Variants in GPC6 observed in about 807,000 individuals in gnomAD.
GPC6 encodes glypican-6.
Under a neutral mutation model 55.2 loss-of-function variants are expected in GPC6, and 14 were observed. The ratio of observed to expected loss-of-function variants is 0.25; its 90% CI spans 0.17 to 0.40. GPC6 has a LOEUF of 0.40. Among genes scored for constraint, GPC6 ranks in the 10% least tolerant of loss-of-function variants. The probability of loss-of-function intolerance (pLI) is 1.00; values close to 1 mark genes in which losing one functional copy is unlikely to be tolerated. For missense variants in GPC6, 641 were observed against 708.5 expected, an observed-to-expected ratio of 0.90 and a Z score of 1.08; for synonymous variants, 278 against 259.6, an observed-to-expected ratio of 1.07 and a Z score of -0.68.
At chr13:94,068,736 C>A (rs1337233411) in intron 4 of GPC6, among the ~76,000 whole-genome samples, 1 of 152,128 alleles carries the variant, frequency 6.6e-6, no homozygotes, top group Non-Finnish European at 1.5e-5. Context: ...GCAGAGAAGT[C>A]AAATCTTAAA....
At chr13:93,405,910 A>G (rs992484314) in intron 1 of GPC6, among the ~76,000 whole-genome samples, 3 of 152,208 alleles carry the variant, frequency 2.0e-5, no homozygotes, top group Non-Finnish European at 2.9e-5. Flanking sequence ...CACAGGGCCA[A>G]TTAGACTGGA....
rs910247019 is a variant in GPC6, at chr13:93,939,696, G to A, written c.712-88033G>A. On this transcript the variant is annotated intron_variant, in intron 3 of 8. Transcript: ENST00000377047. ...AGCTCCTCAGCTCAAAGAATCCTAC[G>A]ATTTCAGTCTCCCAAAGTGCTAGGA... is the stretch of plus-strand genomic sequence containing the variant. 2.0e-5 allele frequency among the ~76,000 whole-genome samples: 3 copies of A among 152,020 alleles called. No individual in the cohort carries two copies. The South Asian group carries it at 6.2e-4, about 32-fold the overall frequency.
At chr13:93,577,754 A>ACAAAAATTAGC in intron 2 of GPC6, among the ~76,000 whole-genome samples, 1 of 152,106 alleles carries the variant, frequency 6.6e-6, no homozygotes, top group South Asian at 2.1e-4. Context: ...TATGTTAAAT[A>ACAAAAATTAGC]AGAGTGGTGA....
chr13:93,580,149 T>G (rs1028424254), intron 2 of GPC6, among the ~76,000 whole-genome samples: 1 of 152,158 alleles, frequency 6.6e-6, no homozygotes, highest in Non-Finnish European at 1.5e-5. Flanking sequence ...ATTCAAAGTC[T>G]GATGAGGGCC....
At chr13:94,155,525 T>C (rs935229295) in intron 4 of GPC6, among the ~76,000 whole-genome samples, 14 of 152,184 alleles carry the variant, frequency 9.2e-5, no homozygotes, top group Admixed American at 7.9e-4. Flanking sequence ...AATCTTCATA[T>C]TTTATCAAAT....
At chr13:93,329,711 T>C (rs1334193324) in intron 1 of GPC6, among the ~76,000 whole-genome samples, 1 of 152,126 alleles carries the variant, frequency 6.6e-6, no homozygotes, top group African/African-American at 2.4e-5. Flanking sequence ...TCCAGGCTTC[T>C]CCCTGAAACA....
intron 4 of GPC6, among the ~76,000 whole-genome samples, chr13:94,153,743 C>T (rs1248079673): frequency 3.9e-5 from 6 of 152,138 alleles, no homozygotes; most frequent in South Asian, 2.1e-4. Context: ...TAGCAGCATC[C>T]GCATTACTTG....
chr13:93,903,088 A>C (rs1876454099), intron 3 of GPC6, among the ~76,000 whole-genome samples: 5 of 152,242 alleles, frequency 3.3e-5, no homozygotes. Context: ...AAAGACTTAA[A>C]TATAAGACGT....
At chr13:93,366,202 G>C (rs1322676743) in intron 1 of GPC6, among the ~76,000 whole-genome samples, 1 of 152,042 alleles carries the variant, frequency 6.6e-6, no homozygotes, top group African/African-American at 2.4e-5. Flanking sequence ...ATTTATAGCA[G>C]TCTGTAAATT....
chr13:94,015,947 T>G (rs1212624045), intron 3 of GPC6, among the ~76,000 whole-genome samples: 1 of 152,096 alleles, frequency 6.6e-6, no homozygotes, highest in Non-Finnish European at 1.5e-5. Context: ...AGTACATTGT[T>G]GTTAACTATC....
intron 3 of GPC6, among the ~76,000 whole-genome samples, chr13:93,868,741 A>G (rs1889043805): frequency 6.6e-6 from 1 of 151,852 alleles, no homozygotes; most frequent in African/African-American, 2.4e-5. Flanking sequence ...AGACGAGCAG[A>G]CACACCAAAC....
intron 2 of GPC6, among the ~76,000 whole-genome samples, chr13:93,741,919 G>T (rs1384835060): frequency 6.6e-6 from 1 of 152,034 alleles, no homozygotes; most frequent in Admixed American, 6.6e-5. Flanking sequence ...TATTTAAAAA[G>T]AACTATATTT....
intron 1 of GPC6, among the ~76,000 whole-genome samples, chr13:93,252,438 C>T (rs1358230206): frequency 6.6e-5 from 10 of 152,162 alleles, no homozygotes; most frequent in South Asian, 2.1e-4. Flanking sequence ...TGTGCACACT[C>T]GTGACAATGC....
At chr13:94,316,181 A>T (rs1478601541) in intron 6 of GPC6, among the ~76,000 whole-genome samples, 3 of 152,160 alleles carry the variant, frequency 2.0e-5, no homozygotes, top group Admixed American at 1.3e-4. Flanking sequence ...TAAAAAAAAA[A>T]ATTTAGAATC....
intron 4 of GPC6, among the ~76,000 whole-genome samples, chr13:94,130,309 G>A (rs1886965061): frequency 6.6e-6 from 1 of 152,036 alleles, no homozygotes; most frequent in South Asian, 2.1e-4. Context: ...TCCTAAGTCA[G>A]TCAGGCAATT....
intron 4 of GPC6, among the ~76,000 whole-genome samples, chr13:94,108,016 A>T (rs1015542863): frequency 2.6e-5 from 4 of 152,282 alleles, no homozygotes; most frequent in Admixed American, 6.5e-5. Context: ...CTACCATTTG[A>T]TCCAGCAATC....
chr13:93,921,343 C>A (rs543574602), intron 3 of GPC6, among the ~76,000 whole-genome samples: 1 of 152,198 alleles, frequency 6.6e-6, no homozygotes, highest in Non-Finnish European at 1.5e-5. Flanking sequence ...TCTCTGCTGT[C>A]TGCTGACGGC....
chr13:93,752,573 T>C (rs1177401417), intron 2 of GPC6, among the ~76,000 whole-genome samples: 2 of 152,122 alleles, frequency 1.3e-5, no homozygotes, highest in East Asian at 1.9e-4. Context: ...CAGAATCTAA[T>C]TGATATCTTT....
intron 2 of GPC6, among the ~76,000 whole-genome samples, chr13:93,557,715 G>A (rs779984488): frequency 3.3e-5 from 5 of 152,146 alleles, no homozygotes; most frequent in Non-Finnish European, 7.3e-5. Context: ...TTAGTTCCAC[G>A]ACTTAGCTTC....
Sources: allele counts gnomAD v4.1 joint callset (sites outside exome capture counted in the v4.1 genomes callset), GRCh38; gene constraint gnomAD v4.1.1; transcripts MANE v1.5; gene names NCBI Gene and HGNC (gene_info 2026-07-23, HGNC 2026-07-21).